PRKG1: variants seen among roughly 807,000 people sequenced by gnomAD.
PRKG1 encodes the protein cGMP-dependent protein kinase 1.
In PRKG1, 35 loss-of-function variants were observed where a neutral mutation model predicts 88.1. The observed-to-expected ratio is 0.40, with a 90% confidence interval of 0.30 to 0.53. The LOEUF is 0.53. Ranked by LOEUF, PRKG1 falls within the 20% of genes least tolerant of loss-of-function variation. The pLI is 0.59. For missense variants in PRKG1, 540 were observed against 839.8 expected (o/e 0.64, Z 4.41); for synonymous variants, 303 against 292.5 (o/e 1.04, Z -0.37).
At chr10:51,080,873 T>A (rs1214780842) in intron 1 of PRKG1, among the ~76,000 whole-genome samples, 1 of 152,190 alleles carries the variant, frequency 6.6e-6, no homozygotes, top group Non-Finnish European at 1.5e-5. Context: ...TTCTGAGAAG[T>A]TCAGTATGTG....
intron 3 of PRKG1, among the ~76,000 whole-genome samples, chr10:51,760,565 G>A (rs1016818779): frequency 3.4e-5 from 5 of 147,882 alleles, no homozygotes; most frequent in Non-Finnish European, 7.4e-5. Flanking sequence ...TCTGCCTCCC[G>A]GGTTCAAACG....
chr10:51,180,347 C>T (rs1837311282), intron 2 of PRKG1, among the ~76,000 whole-genome samples: 1 of 152,080 alleles, frequency 6.6e-6, no homozygotes, highest in Admixed American at 6.6e-5. Flanking sequence ...TCAGGGCTGG[C>T]CTAAAGGCAA....
intron 5 of PRKG1, among the ~76,000 whole-genome samples, chr10:52,023,949 G>T (rs1218609450): frequency 1.3e-5 from 2 of 152,126 alleles, no homozygotes; most frequent in Admixed American, 6.6e-5. Flanking sequence ...AGCTTTTGTT[G>T]TCATTGCTTT....
chr10:51,209,839 A>C (rs2132070706), intron 2 of PRKG1, among the ~76,000 whole-genome samples: 1 of 152,270 alleles, frequency 6.6e-6, no homozygotes, highest in African/African-American at 2.4e-5. Context: ...TTCTCTCTGG[A>C]CATATTCAGG....
chr10:51,851,409 A>G (rs1423609100), intron 4 of PRKG1, among the ~76,000 whole-genome samples: 1 of 152,082 alleles, frequency 6.6e-6, no homozygotes, highest in African/African-American at 2.4e-5. Context: ...GCATCCTTAA[A>G]TGCACAGGAC....
chr10:51,666,149 A>C (rs552519122), intron 3 of PRKG1, among the ~76,000 whole-genome samples: 2 of 152,218 alleles, frequency 1.3e-5, no homozygotes, highest in Non-Finnish European at 2.9e-5. Flanking sequence ...CATGGAAGAA[A>C]TGTGGTGACA....
chr10:51,618,064 T>C (rs1839108956), intron 3 of PRKG1, among the ~76,000 whole-genome samples: 1 of 152,238 alleles, frequency 6.6e-6, no homozygotes, highest in Admixed American at 6.5e-5. Flanking sequence ...GAAGGTCTTT[T>C]TCATTGTGTT....
At chr10:51,858,594 T>TA (rs1201807623) in intron 4 of PRKG1, among the ~76,000 whole-genome samples, 1 of 149,652 alleles carries the variant, frequency 6.7e-6, no homozygotes, top group Non-Finnish European at 1.5e-5. Flanking sequence ...TTTGCACCTA[T>TA]AGTGTCATGT....
chr10:51,482,081 T>C (rs1438299570), intron 3 of PRKG1, among the ~76,000 whole-genome samples: 2 of 152,114 alleles, frequency 1.3e-5, no homozygotes, highest in South Asian at 2.1e-4. Flanking sequence ...ATATATAAAG[T>C]GACATAAGGA....
At chr10:51,155,686 G>A (rs1846190027) in intron 2 of PRKG1, among the ~76,000 whole-genome samples, 1 of 151,952 alleles carries the variant, frequency 6.6e-6, no homozygotes, top group Non-Finnish European at 1.5e-5. Context: ...AGGCTGGCAA[G>A]TCCAAAATCT....
At chr10:52,231,662 T>C (rs1332509880) in intron 9 of PRKG1, among the ~76,000 whole-genome samples, 1 of 152,170 alleles carries the variant, frequency 6.6e-6, no homozygotes, top group Non-Finnish European at 1.5e-5. Context: ...GACTGTTGGA[T>C]TTAAGAATAG....
chr10:51,894,157 T>A (rs1253881711), intron 4 of PRKG1, among the ~76,000 whole-genome samples: 1 of 152,040 alleles, frequency 6.6e-6, no homozygotes, highest in Non-Finnish European at 1.5e-5. Flanking sequence ...TTGGAATAGG[T>A]TTGTGTGTTT....
intron 2 of PRKG1, among the ~76,000 whole-genome samples, chr10:51,464,114 C>G (rs1179693036): frequency 1.4e-5 from 2 of 142,562 alleles, no homozygotes; most frequent in African/African-American, 5.1e-5. Context: ...TACTAAAATA[C>G]AAAAAGAAAA....
chr10:51,674,182 T>A (rs1840652668), intron 3 of PRKG1, among the ~76,000 whole-genome samples: 2 of 152,184 alleles, frequency 1.3e-5, no homozygotes, highest in South Asian at 4.1e-4. Context: ...TTTGTTTTTT[T>A]ATTATACTTT....
intron 8 of PRKG1, among the ~76,000 whole-genome samples, chr10:52,144,063 A>T (rs1283776024): frequency 6.6e-6 from 1 of 152,200 alleles, no homozygotes; most frequent in Admixed American, 6.5e-5. Flanking sequence ...AACTTCCTGG[A>T]CACTATAACA....
Position 51,562,897 on chromosome 10 carries a change from T to G in PRKG1, c.592+95061T>G, listed in dbSNP as rs911284098. Among the ~76,000 whole-genome samples, 4 of 152,190 alleles carry G rather than the reference T, an allele frequency of 2.6e-5. No individual in the cohort carries two copies. The South Asian group carries it at 6.2e-4, about 24-fold the overall frequency. On this transcript the variant is annotated intron_variant, in intron 3 of 17. Coordinates refer to ENST00000373980, the MANE Select transcript of PRKG1 (RefSeq NM_006258.4). ...GATCCTTTCACCTCAGCCTCCTGAG[T>G]AGCTGAGACTACAGGTGCATGCCAC...
chr10:51,584,477 G>A (rs1015854143), intron 3 of PRKG1, among the ~76,000 whole-genome samples: 1 of 151,870 alleles, frequency 6.6e-6, no homozygotes, highest in African/African-American at 2.4e-5. Flanking sequence ...AAATTCTCAG[G>A]GTAGTTGATA....
At chr10:51,907,701 TATA>T (rs1452245893) in intron 5 of PRKG1, 131 bp downstream of exon 5, 1 of 713,220 alleles carries the variant, frequency 1.4e-6, no homozygotes, top group African/African-American at 1.8e-5. Context: ...TGGGATGAGC[TATA>T]TATTTGGCTT....
intron 5 of PRKG1, among the ~76,000 whole-genome samples, chr10:52,001,117 G>C (rs1487387067): frequency 6.6e-6 from 1 of 151,656 alleles, no homozygotes; most frequent in Non-Finnish European, 1.5e-5. Flanking sequence ...TTCTGTGTCT[G>C]GCTTATCTCA....
Sources: allele counts gnomAD v4.1 joint callset (sites outside exome capture counted in the v4.1 genomes callset), GRCh38; gene constraint gnomAD v4.1.1; transcripts MANE v1.5; gene names NCBI Gene and HGNC (gene_info 2026-07-23, HGNC 2026-07-21).